Variants in SYT17 observed in about 807,000 individuals in gnomAD.
SYT17 encodes synaptotagmin-17.
SYT17 carries 22 observed loss-of-function variants against 46.7 expected under a neutral mutation model. The observed-to-expected ratio is 0.47, with a 90% CI of 0.34 to 0.67. The LOEUF (loss-of-function observed/expected upper bound fraction) is 0.67. Ranked by LOEUF, SYT17 falls within the 30% of genes least tolerant of loss-of-function variation. The pLI, the probability that SYT17 is intolerant of heterozygous loss-of-function variation, is 0.01. For missense variants in SYT17, 519 were observed against 612.8 expected (o/e 0.85, Z 1.62); for synonymous variants, 251 against 248.4 (o/e 1.01, Z -0.10).
At chr16:19,232,753 C>T (rs1398352071) in intron 7 of SYT17, among the ~76,000 whole-genome samples, 1 of 151,902 alleles carries the variant, frequency 6.6e-6, no homozygotes, top group Non-Finnish European at 1.5e-5. Flanking sequence ...ATTGCTTGAG[C>T]CTTGGGAGGT....
At chr16:19,215,694 G>T (rs11863055) in intron 5 of SYT17, among the ~76,000 whole-genome samples, 1,683 of 152,268 alleles carry the variant, frequency 0.011, 37 homozygotes, top group African/African-American at 0.039. Flanking sequence ...TGGGATTACA[G>T]ACATGAGCTA....
chr16:19,201,056 G>A (rs1965439782), intron 5 of SYT17, among the ~76,000 whole-genome samples: 1 of 152,198 alleles, frequency 6.6e-6, no homozygotes, highest in African/African-American at 2.4e-5. Flanking sequence ...GAGGCCAACA[G>A]TAGAGGTCTG....
At chr16:19,173,665 G>T in intron 3 of SYT17, 87 bp downstream of exon 3, 2 of 1,441,540 alleles carry the variant, frequency 1.4e-6, no homozygotes, top group Non-Finnish European at 1.9e-6. Flanking sequence ...TCTGGGCCAC[G>T]GGAGGGAGGA....
intron 5 of SYT17, among the ~76,000 whole-genome samples, chr16:19,188,513 C>CAAAAAAAAAAAAAAAAAAAAAAA (rs61202540): frequency 1.5e-5 from 1 of 64,584 alleles, no homozygotes; most frequent in Non-Finnish European, 2.8e-5. Context: ...TTCAGTTCTG[C>CAAAAAAAAAAAAAAAAAAAAAAA]AAAAAAAAAA....
At chr16:19,171,346 C>T (rs1964084164) in intron 1 of SYT17, 1 of 159,906 alleles carries the variant, frequency 6.3e-6, no homozygotes, top group Non-Finnish European at 1.4e-5. Context: ...TTATTTTAGA[C>T]AGGGTCTCAC....
intron 3 of SYT17, 142 bp from the exon 4 acceptor site, chr16:19,180,249 C>A (rs972452264): frequency 3.7e-6 from 3 of 820,456 alleles, no homozygotes; most frequent in Non-Finnish European, 3.9e-6. Flanking sequence ...TTAAGGACAC[C>A]ACACTGTCAA....
intron 5 of SYT17, among the ~76,000 whole-genome samples, chr16:19,211,999 A>G (rs229020): frequency 0.28 from 43,335 of 152,130 alleles, 6,633 homozygotes; most frequent in African/African-American, 0.38. Flanking sequence ...GGTAGGCAGG[A>G]ATCAAATCAT....
chr16:19,183,543 G>T lies in SYT17; in HGVS notation c.347G>T (p.Arg116Leu). ...TGGCTCTCAGGTCTTGAGTCAAGAC[G>T]TCCCAGCTCTCCACTCATCGATATT... ...TRRISSLESRRPSSPLIDIKP... is the reference protein window; with the variant it reads ...TRRISSLESRLPSSPLIDIKP... Residue 116 changes from arginine to leucine, a missense_variant, in exon 5 of 8, where the codon CGT (arginine) becomes CTT (leucine). Physicochemically the swap from Arg to Leu is moderately radical, Grantham distance 102. Transcript: ENST00000355377. The surrounding 1 kb of genome is among the most constrained non-coding windows in gnomAD (Gnocchi z 5.6). 6.2e-7 allele frequency: 1 copy of T among 1,614,004 alleles called. No individual in the cohort carries two copies. Among genetic ancestry groups the T allele is most frequent in the Non-Finnish European group, 8.5e-7 (1 of 1,179,946 alleles).
At chr16:19,172,543 G>T in intron 1 of SYT17, 1 of 1,501,690 alleles carries the variant, frequency 6.7e-7, no homozygotes, top group East Asian at 2.5e-5. Context: ...GGTTAACCAG[G>T]AGGCTACCAG....
At chr16:19,169,264 C>G (rs1963990811) in intron 1 of SYT17, among the ~76,000 whole-genome samples, 1 of 151,970 alleles carries the variant, frequency 6.6e-6, no homozygotes, top group African/African-American at 2.4e-5. Context: ...AAGAAACGTC[C>G]CCCAAGAATC....
chr16:19,191,310 C>T (rs557432261), intron 5 of SYT17, among the ~76,000 whole-genome samples: 18 of 152,270 alleles, frequency 1.2e-4, no homozygotes, highest in African/African-American at 2.9e-4. Flanking sequence ...GGTATTCAGA[C>T]GGCCTTTGGG....
At chr16:19,196,816 G>A (rs1386739078) in intron 5 of SYT17, among the ~76,000 whole-genome samples, 1 of 152,018 alleles carries the variant, frequency 6.6e-6, no homozygotes, top group Non-Finnish European at 1.5e-5. Context: ...TAATGACATG[G>A]GTCCACCATT....
chr16:19,224,694 A>G lies in SYT17; in HGVS notation c.1084A>G (p.Lys362Glu). 6.2e-7 allele frequency: 1 copy of G among 1,614,082 alleles called. No individual in the cohort carries two copies. The highest frequency in any genetic ancestry group is 8.5e-7 in the Non-Finnish European group (1 of 1,179,954). Residue 362 changes from lysine (K) to glutamate (E), a missense_variant, in exon 7 of 8, where the codon AAA (lysine) becomes GAA (glutamate). Coordinates refer to ENST00000355377, the MANE Select transcript of SYT17 (RefSeq NM_016524.4). Reference sequence around the variant, plus strand: ...TGTCTAATTTTCAGACCCCTTTGTGAAAATCCAGCTGGTGCATGGACTCAA... The same window carrying G: ...TGTCTAATTTTCAGACCCCTTTGTGGAAATCCAGCTGGTGCATGGACTCAA... Reference protein sequence around the residue: ...DVSQGSDPFVKIQLVHGLKLV... With the variant: ...DVSQGSDPFVEIQLVHGLKLV...
At chr16:19,257,160 G>A (rs1033984921) in intron 7 of SYT17, among the ~76,000 whole-genome samples, 3 of 152,034 alleles carry the variant, frequency 2.0e-5, no homozygotes, top group African/African-American at 4.8e-5. Context: ...TAACTGAATC[G>A]TCATTATGAC....
intron 7 of SYT17, among the ~76,000 whole-genome samples, chr16:19,232,695 G>A (rs976462329): frequency 6.6e-6 from 1 of 152,054 alleles, no homozygotes; most frequent in African/African-American, 2.4e-5. Context: ...GCTGGTCATG[G>A]TGGTGCATGC....
intron 5 of SYT17, among the ~76,000 whole-genome samples, chr16:19,207,584 T>C (rs1008386436): frequency 1.4e-4 from 22 of 152,070 alleles, no homozygotes; most frequent in African/African-American, 5.3e-4. Flanking sequence ...GAGAACTCTA[T>C]CATGAGAACA....
intron 5 of SYT17, among the ~76,000 whole-genome samples, chr16:19,189,529 T>C (rs975537245): frequency 2.0e-5 from 3 of 152,160 alleles, no homozygotes; most frequent in African/African-American, 7.2e-5. Flanking sequence ...TTTTTATTTT[T>C]TGTAGAGATG....
At position 19,168,494 on chromosome 16, in the gene SYT17, G is replaced by C. The variant is rs1596874299; in HGVS notation, c.-153G>C. 2.9e-6 allele frequency: 3 copies of C among 1,036,314 alleles called. No individual in the cohort carries two copies. The East Asian group carries it at 9.2e-5, about 32-fold the overall frequency. 64.2% of individuals were successfully genotyped at this position (1,036,314 alleles called of 1,614,324 possible). On this transcript the variant is annotated 5_prime_UTR_variant, in exon 1 of 8. Transcript: ENST00000355377. The surrounding 1 kb of genome is among the most constrained non-coding windows in gnomAD (Gnocchi z 6.9). ...GACGGGGCGGCCGGCGGAGGGGCGG[G>C]CGCCGCTCATCAGCCACGCCAGTCA...
At chr16:19,241,545 G>A (rs1239348333) in intron 7 of SYT17, among the ~76,000 whole-genome samples, 6 of 152,180 alleles carry the variant, frequency 3.9e-5, no homozygotes, top group Admixed American at 6.5e-5. Flanking sequence ...GCAGCCTGGG[G>A]CGGGGGCCCA....
Sources: gnomAD v4.1 joint callset for allele counts (sites outside exome capture counted in the v4.1 genomes callset) on GRCh38, gnomAD v4.1.1 for gene constraint, Gnocchi (gnomAD v3.1) non-coding constraint, MANE v1.5 for transcripts, NCBI Gene and HGNC (gene_info 2026-07-23, HGNC 2026-07-21) for gene names.